The following CAMK2D variants were observed in gnomAD, a reference collection of about 807,000 sequenced individuals.
CAMK2D encodes the protein calcium/calmodulin-dependent protein kinase type II subunit delta.
CAMK2D carries 37 observed loss-of-function variants against 84.0 expected under a neutral mutation model. The ratio of observed to expected loss-of-function variants is 0.44; its 90% CI spans 0.34 to 0.58. The LOEUF is 0.58. Ranked by LOEUF, CAMK2D falls within the 20% of genes least tolerant of loss-of-function variation. The pLI, the probability that CAMK2D is intolerant of heterozygous loss-of-function variation, is 0.02. For missense variants in CAMK2D, 448 were observed against 652.5 expected (o/e 0.69, Z 3.41); for synonymous variants, 202 against 212.5 (o/e 0.95, Z 0.43).
chr4:113,661,974 G>C (rs945385226), intron 2 of CAMK2D, among the ~76,000 whole-genome samples: 1 of 152,144 alleles, frequency 6.6e-6, no homozygotes, highest in African/African-American at 2.4e-5. Flanking sequence ...CTTGATGCTT[G>C]ACAGAGTGCA....
At chr4:113,599,888 G>T (rs75143995) in intron 4 of CAMK2D, among the ~76,000 whole-genome samples, 1 of 136,980 alleles carries the variant, frequency 7.3e-6, no homozygotes, top group South Asian at 2.1e-4. Context: ...AGGAGGAGGA[G>T]GAAGAGGAGG....
intron 12 of CAMK2D, among the ~76,000 whole-genome samples, chr4:113,510,240 C>T (rs1004884667): frequency 6.6e-6 from 1 of 152,084 alleles, no homozygotes; most frequent in Non-Finnish European, 1.5e-5. Flanking sequence ...ATATTATTGG[C>T]TTAGAGCAAA....
At chr4:113,532,492 A>G (rs1033246555) in intron 7 of CAMK2D, among the ~76,000 whole-genome samples, 8 of 152,196 alleles carry the variant, frequency 5.3e-5, no homozygotes, top group Admixed American at 2.6e-4. Context: ...TGGTGGTTCC[A>G]CTGCCTAAAG....
intron 16 of CAMK2D, among the ~76,000 whole-genome samples, chr4:113,474,654 T>C (rs1282700337): frequency 6.6e-6 from 1 of 151,998 alleles, no homozygotes; most frequent in Admixed American, 6.6e-5. Flanking sequence ...TATTTATTTG[T>C]TTATTTTTTG....
At chr4:113,689,648 C>G (rs185780367) in intron 2 of CAMK2D, among the ~76,000 whole-genome samples, 1 of 152,154 alleles carries the variant, frequency 6.6e-6, no homozygotes, top group Non-Finnish European at 1.5e-5. Context: ...GCTTTTTCCA[C>G]GGGTAGCTTG....
At chr4:113,572,121 G>T (rs1416667195) in intron 4 of CAMK2D, among the ~76,000 whole-genome samples, 1 of 151,930 alleles carries the variant, frequency 6.6e-6, no homozygotes, top group Non-Finnish European at 1.5e-5. Flanking sequence ...AAAAGAATAG[G>T]GTTGTGCTAA....
At chr4:113,460,689 AT>A (rs1455743043) in intron 17 of CAMK2D, among the ~76,000 whole-genome samples, 1 of 142,610 alleles carries the variant, frequency 7.0e-6, no homozygotes, top group African/African-American at 2.8e-5. Context: ...AATAATAATA[AT>A]TATTATTATT....
intron 3 of CAMK2D, among the ~76,000 whole-genome samples, chr4:113,641,220 A>G (rs547255036): frequency 6.6e-6 from 1 of 152,338 alleles, no homozygotes; most frequent in East Asian, 1.9e-4. Context: ...AGTGAAGAAC[A>G]GAAGGCTTGT....
chr4:113,478,865 T>C (rs2097663709), intron 16 of CAMK2D, among the ~76,000 whole-genome samples: 1 of 152,142 alleles, frequency 6.6e-6, no homozygotes, highest in African/African-American at 2.4e-5. Context: ...AAAAATGACA[T>C]TTGGAGCAGG....
intron 3 of CAMK2D, among the ~76,000 whole-genome samples, chr4:113,623,738 CTGTGTGTGTGTGTG>C (rs3064581): frequency 9.4e-5 from 14 of 148,956 alleles, no homozygotes; most frequent in African/African-American, 3.4e-4. Flanking sequence ...TATGCAGTGA[CTGTGTGTGTGTGTG>C]TGTGTGTGTG....
rs114327320 is a variant in CAMK2D, at chr4:113,622,562, C to A, written c.221-13356G>T. Among the ~76,000 whole-genome samples the A allele has an allele frequency of 6.2e-3, 926 of 149,008 alleles. 9 individuals are homozygous for A. Among genetic ancestry groups the A allele is most frequent in the African/African-American group, 0.023 (871 of 38,444 alleles). On this transcript the variant is annotated intron_variant, in intron 3 of 20. Transcript: ENST00000511664. ...GAAGTATCGCTTGAGCCCAGGAGTT[C>A]GAGACCAGCCCGGGCCACAAAGTGA...
intron 3 of CAMK2D, 121 bp downstream of exon 3, chr4:113,661,592 G>T: frequency 4.1e-6 from 2 of 492,478 alleles, no homozygotes; most frequent in Non-Finnish European, 7.2e-6. Flanking sequence ...AAGATTGAAA[G>T]TTAGGAACCT....
intron 2 of CAMK2D, among the ~76,000 whole-genome samples, chr4:113,716,714 T>C (rs538136802): frequency 3.3e-5 from 5 of 149,654 alleles, no homozygotes; most frequent in Non-Finnish European, 7.4e-5. Flanking sequence ...ACTTGAAATA[T>C]TTCCTTTGAT....
At chr4:113,629,223 T>C (rs2099079733) in intron 3 of CAMK2D, among the ~76,000 whole-genome samples, 1 of 152,104 alleles carries the variant, frequency 6.6e-6, no homozygotes, top group Non-Finnish European at 1.5e-5. Flanking sequence ...TAGAAACTAC[T>C]AATGTAATTA....
chr4:113,613,019 C>T (rs978572897), intron 3 of CAMK2D, among the ~76,000 whole-genome samples: 1 of 152,050 alleles, frequency 6.6e-6, no homozygotes, highest in East Asian at 1.9e-4. Flanking sequence ...TCAAATAGAC[C>T]ATGGTCCTTG....
chr4:113,739,924 GT>G (rs1348637790), intron 2 of CAMK2D, among the ~76,000 whole-genome samples: 1 of 151,976 alleles, frequency 6.6e-6, no homozygotes, highest in Non-Finnish European at 1.5e-5. Context: ...CCAATAAGCA[GT>G]TTTTTAGCCC....
rs539099468 is a variant in CAMK2D at position 113,710,565 on chromosome 4, G to C, written c.160+48755C>G. 3.5e-4 allele frequency among the ~76,000 whole-genome samples: 53 copies of C among 152,256 alleles called. 1 individual carries two copies. Among genetic ancestry groups the C allele is most frequent in the Admixed American group, 1.2e-3 (18 of 15,290 alleles). On this transcript the variant is annotated intron_variant, in intron 2 of 20. Coordinates refer to ENST00000511664, the MANE Select transcript of CAMK2D (RefSeq NM_001321571.2). ...CAAGAAACATTGAAAATAAAGGGAT[G>C]ATAATTAAGGGATAATTATTTAGAT... is the stretch of plus-strand genomic sequence containing the variant.
chr4:113,550,707 G>T (rs1277940915), intron 5 of CAMK2D, among the ~76,000 whole-genome samples: 1 of 152,196 alleles, frequency 6.6e-6, no homozygotes, highest in Admixed American at 6.5e-5. Context: ...TTCTTGGCAA[G>T]TGGCCAAATA....
At chr4:113,465,391 C>T in intron 17 of CAMK2D, 138 bp downstream of exon 17, 2 of 596,292 alleles carry the variant, frequency 3.4e-6, no homozygotes, top group Non-Finnish European at 5.8e-6. Flanking sequence ...GGCACTTAGT[C>T]ATTTATGAAA....
Sources: allele counts gnomAD v4.1 joint callset (sites outside exome capture counted in the v4.1 genomes callset), GRCh38; gene constraint gnomAD v4.1.1; transcripts MANE v1.5; gene names NCBI Gene and HGNC (gene_info 2026-07-23, HGNC 2026-07-21).